The following KANK1 variants were observed in gnomAD, a reference collection of about 807,000 sequenced individuals.
KANK1 encodes KN motif and ankyrin repeat domain-containing protein 1.
In KANK1, 109 loss-of-function variants were observed where a neutral mutation model predicts 106.2. The observed-to-expected ratio is 1.03, with a 90% CI of 0.88 to 1.20. The LOEUF (loss-of-function observed/expected upper bound fraction) is 1.20, where lower values mean the gene tolerates loss of function less well. Ranked by LOEUF, KANK1 falls within the 50% of genes most tolerant of loss-of-function variation. The pLI is 0.00. For missense variants in KANK1, 2,399 were observed against 1,710.7 expected (o/e 1.40, Z -7.10); for synonymous variants, 873 against 652.2 (o/e 1.34, Z -5.16).
At chr9:570,670 C>T (rs1188432608) in intron 1 of KANK1, among the ~76,000 whole-genome samples, 1 of 152,168 alleles carries the variant, frequency 6.6e-6, no homozygotes, top group Non-Finnish European at 1.5e-5. Context: ...CAGTAACTTA[C>T]ACTAATTGTC....
intron 1 of KANK1, among the ~76,000 whole-genome samples, chr9:572,241 A>G (rs1819387689): frequency 6.7e-6 from 1 of 148,236 alleles, no homozygotes. Context: ...CTACAGCCTT[A>G]AACTCCTGGG....
chr9:601,448 A>T (rs1209254322), intron 1 of KANK1, among the ~76,000 whole-genome samples: 4 of 151,712 alleles, frequency 2.6e-5, no homozygotes, highest in Non-Finnish European at 4.4e-5. Flanking sequence ...CTGGTTAGTT[A>T]TTTTGTGGAA....
chr9:572,861 T>A (rs1009449920), intron 1 of KANK1, among the ~76,000 whole-genome samples: 13 of 152,196 alleles, frequency 8.5e-5, no homozygotes, highest in Admixed American at 3.3e-4. Context: ...TGAAATAAAA[T>A]TTCTTTTTGG....
At chr9:725,366 A>G (rs1830380724) in intron 3 of KANK1, among the ~76,000 whole-genome samples, 3 of 151,838 alleles carry the variant, frequency 2.0e-5, no homozygotes, top group Non-Finnish European at 2.9e-5. Flanking sequence ...GGTTGTGCAC[A>G]CCTGTAGCCC....
At chr9:612,916 G>A (rs899592477) in intron 1 of KANK1, among the ~76,000 whole-genome samples, 12 of 152,130 alleles carry the variant, frequency 7.9e-5, no homozygotes, top group Non-Finnish European at 2.9e-5. Flanking sequence ...CCATACATAT[G>A]CCTATGGTTA....
intron 1 of KANK1, among the ~76,000 whole-genome samples, chr9:583,905 TATACA>T (rs1028183925): frequency 5.3e-5 from 8 of 152,202 alleles, no homozygotes; most frequent in Admixed American, 4.6e-4. Context: ...AAATTAAATC[TATACA>T]ATACAATTTA....
intron 1 of KANK1, among the ~76,000 whole-genome samples, chr9:514,632 T>A (rs1469564815): frequency 1.3e-5 from 2 of 151,696 alleles, no homozygotes; most frequent in East Asian, 3.9e-4. Flanking sequence ...TATGTGGTTA[T>A]GGGTTCATGC....
intron 3 of KANK1, among the ~76,000 whole-genome samples, chr9:715,425 C>G (rs1201157151): frequency 6.6e-6 from 1 of 152,212 alleles, no homozygotes; most frequent in African/African-American, 2.4e-5. Flanking sequence ...TTCCTCCCTC[C>G]TCCCCAAACT....
chr9:625,251 A>G (rs758914617), intron 1 of KANK1, among the ~76,000 whole-genome samples: 5 of 152,220 alleles, frequency 3.3e-5, no homozygotes, highest in Non-Finnish European at 7.3e-5. Flanking sequence ...GTACAGTTTT[A>G]TAAGTCCTTA....
At position 712,211 on chromosome 9, in the gene KANK1, A is replaced by G. The variant is rs769704474; in HGVS notation, c.1445A>G (p.Asp482Gly). 1.2e-6 allele frequency: 2 copies of G among 1,614,150 alleles called. No homozygotes were observed. Among genetic ancestry groups the G allele is most frequent in the East Asian group, 4.5e-5 (2 of 44,884 alleles). ...LEVQLRETTH[D>G]REMTKLKQEL... ...GTACAGCTTAGAGAAACCACCCATG[A>G]CCGGGAGATGACTAAACTGAAACAA... Residue 482 changes from aspartate (D) to glycine (G), a missense_variant, in exon 3 of 12, where the codon GAC (aspartate) becomes GGC (glycine). Physicochemically the swap from Asp to Gly is moderately conservative, Grantham distance 94. Transcript: ENST00000382297.
chr9:496,699 A>G (rs2058463743), intron 3 of KANK1, among the ~76,000 whole-genome samples: 1 of 152,214 alleles, frequency 6.6e-6, no homozygotes, highest in Non-Finnish European at 1.5e-5. Flanking sequence ...CACATGTATC[A>G]TCTCCCTTTA....
At chr9:594,776 C>G (rs1469075876) in intron 1 of KANK1, among the ~76,000 whole-genome samples, 2 of 151,744 alleles carry the variant, frequency 1.3e-5, no homozygotes, top group African/African-American at 2.4e-5. Flanking sequence ...AATAATGACA[C>G]TTTAAATGAG....
At chr9:504,521 C>T (rs1273270845), upstream of KANK1, among the ~76,000 whole-genome samples, 1 of 151,504 alleles carries the variant, frequency 6.6e-6, no homozygotes, top group Non-Finnish European at 1.5e-5. Context: ...CCGGCCCGCG[C>T]CGTTCTTCTC....
intron 1 of KANK1, among the ~76,000 whole-genome samples, chr9:533,922 G>T (rs551560669): frequency 6.0e-4 from 91 of 152,200 alleles, no homozygotes; most frequent in Non-Finnish European, 1.0e-3. Context: ...TATCTTTTAC[G>T]AGGACCTGGA....
intron 1 of KANK1, among the ~76,000 whole-genome samples, chr9:514,703 C>G (rs1023458258): frequency 6.6e-6 from 1 of 151,714 alleles, no homozygotes; most frequent in African/African-American, 2.4e-5. Context: ...TGTCCATGAA[C>G]GTTAGGTTTC....
chr9:589,622 A>T (rs1824345995), intron 1 of KANK1, among the ~76,000 whole-genome samples: 1 of 152,112 alleles, frequency 6.6e-6, no homozygotes, highest in Admixed American at 6.6e-5. Context: ...CATCTTTGAG[A>T]CTGAAGGAAT....
rs1564044286 is a variant in KANK1, at chr9:712,040, C to G, written c.1274C>G (p.Ala425Gly). ...AGAGGCTCCAGGTCCTGTAAGGATG[C>G]AGCTGTAGGGACACTTGTTGAGATG... is the stretch of plus-strand genomic sequence containing the variant. Reference protein sequence around the residue: ...YHRGSRSCKDAAVGTLVEMRN... With the variant: ...YHRGSRSCKDGAVGTLVEMRN... The change falls in exon 3 of 12, where the codon GCA becomes GGA. Residue 425 changes from alanine (A) to glycine (G), a missense_variant. Transcript: ENST00000382297. 1 of 1,614,018 alleles carries G rather than the reference C, an allele frequency of 6.2e-7. No individual in the cohort carries two copies. Among genetic ancestry groups the G allele is most frequent in the African/African-American group, 1.3e-5 (1 of 74,892 alleles).
chr9:527,242 A>G (rs774387292), intron 1 of KANK1, among the ~76,000 whole-genome samples: 8 of 151,682 alleles, frequency 5.3e-5, no homozygotes, highest in Non-Finnish European at 1.2e-4. Context: ...CCTGGATACT[A>G]TGGTATCCTC....
intron 1 of KANK1, among the ~76,000 whole-genome samples, chr9:536,329 G>A (rs549845891): frequency 7.9e-5 from 12 of 152,204 alleles, no homozygotes; most frequent in East Asian, 1.9e-4. Context: ...GCAACAGAGC[G>A]AGACTGTCTG....
Sources: allele counts gnomAD v4.1 joint callset (sites outside exome capture counted in the v4.1 genomes callset), GRCh38; gene constraint gnomAD v4.1.1; transcripts MANE v1.5; gene names NCBI Gene and HGNC (gene_info 2026-07-23, HGNC 2026-07-21).